The following SYT1 variants were observed in gnomAD, a reference collection of about 807,000 sequenced individuals.
SYT1 encodes synaptotagmin-1.
A neutral mutation model predicts 44.8 loss-of-function variants in SYT1; 8 were observed. The observed-to-expected ratio is 0.18, with a 90% CI of 0.10 to 0.32. The LOEUF (loss-of-function observed/expected upper bound fraction) is 0.32, where lower values mean the gene tolerates loss of function less well. Ranked by LOEUF, SYT1 falls within the 10% of genes least tolerant of loss-of-function variation. SYT1 has a pLI of 1.00. For synonymous variants in SYT1, 154 were observed against 188.8 expected (o/e 0.82, Z 1.51); for missense variants, 286 against 509.3 (o/e 0.56, Z 4.22).
At chr12:79,176,028 C>A (rs1871841716) in intron 3 of SYT1, among the ~76,000 whole-genome samples, 2 of 152,000 alleles carry the variant, frequency 1.3e-5, no homozygotes. Flanking sequence ...TGGAGGGTCA[C>A]ACCTGTAATC....
chr12:79,420,772 A>G (rs1298771324), intron 9 of SYT1, among the ~76,000 whole-genome samples: 1 of 152,164 alleles, frequency 6.6e-6, no homozygotes, highest in African/African-American at 2.4e-5. Flanking sequence ...AAATGGGAGA[A>G]ATACTGAGAA....
intron 3 of SYT1, among the ~76,000 whole-genome samples, chr12:79,097,599 C>T (rs1878212990): frequency 6.6e-6 from 1 of 151,818 alleles, no homozygotes; most frequent in Admixed American, 6.6e-5. Flanking sequence ...TTGAAAGTCC[C>T]TCTAGAAAAA....
At chr12:79,139,667 C>T (rs775208959) in intron 3 of SYT1, among the ~76,000 whole-genome samples, 17 of 152,126 alleles carry the variant, frequency 1.1e-4, no homozygotes, top group African/African-American at 3.4e-4. Context: ...TATTTAAATA[C>T]GCTTCTACTA....
At chr12:78,975,404 C>A (rs1195942110) in intron 1 of SYT1, among the ~76,000 whole-genome samples, 1 of 152,146 alleles carries the variant, frequency 6.6e-6, no homozygotes, top group African/African-American at 2.4e-5. Flanking sequence ...CCCTGCCTGG[C>A]ATAGACTAGG....
chr12:79,266,264 T>A (rs1837428024), intron 4 of SYT1, among the ~76,000 whole-genome samples: 2 of 152,122 alleles, frequency 1.3e-5, no homozygotes, highest in African/African-American at 4.8e-5. Flanking sequence ...ACAAAGCTAC[T>A]AGAAAACAAA....
chr12:78,876,222 C>G (rs1874061233), intron 1 of SYT1, among the ~76,000 whole-genome samples: 1 of 151,534 alleles, frequency 6.6e-6, no homozygotes, highest in Non-Finnish European at 1.5e-5. Flanking sequence ...TTTCCTCTAT[C>G]TAGTCTCATA....
In SYT1 at chr12:78,976,430, GT is replaced by G. The variant is rs531462878; in HGVS notation, c.-216-1365del. Among the ~76,000 whole-genome samples, 230 of 152,220 alleles carry G rather than the reference GT, an allele frequency of 1.5e-3. 1 individual carries two copies. Among genetic ancestry groups the G allele is most frequent in the African/African-American group, 5.3e-3 (220 of 41,546 alleles). On this transcript the variant is annotated intron_variant, in intron 1 of 10. Coordinates refer to ENST00000261205, the MANE Select transcript of SYT1 (RefSeq NM_005639.3). ...CTGTTCCTTTAAACTAAGGACTTAC[GT>G]TTTCCCAAACCCTGTAAATTCCCAT...
At chr12:79,359,476 G>T (rs1228490220) in intron 9 of SYT1, among the ~76,000 whole-genome samples, 1 of 152,148 alleles carries the variant, frequency 6.6e-6, no homozygotes, top group East Asian at 1.9e-4. Flanking sequence ...AACATTTGGG[G>T]CTGTAGGAGA....
intron 1 of SYT1, among the ~76,000 whole-genome samples, chr12:78,928,480 T>G (rs904638378): frequency 2.0e-5 from 3 of 152,160 alleles, no homozygotes; most frequent in African/African-American, 7.2e-5. Flanking sequence ...TTTTTTTTTC[T>G]TTCCTTAAGT....
At chr12:79,402,808 A>G (rs980579874) in intron 9 of SYT1, among the ~76,000 whole-genome samples, 18 of 152,208 alleles carry the variant, frequency 1.2e-4, no homozygotes, top group African/African-American at 4.3e-4. Context: ...AAAATCCTCC[A>G]AGGAAACTCC....
At chr12:79,006,570 C>T (rs1046821631) in intron 2 of SYT1, among the ~76,000 whole-genome samples, 3 of 152,208 alleles carry the variant, frequency 2.0e-5, no homozygotes, top group Non-Finnish European at 4.4e-5. Flanking sequence ...TTGGTGCCAT[C>T]TTCTGAGAGC....
chr12:79,068,655 C>A (rs903026464), intron 3 of SYT1, among the ~76,000 whole-genome samples: 6 of 152,076 alleles, frequency 3.9e-5, no homozygotes, highest in African/African-American at 1.4e-4. Flanking sequence ...ACTGATTTTC[C>A]TCCTACTCTA....
intron 1 of SYT1, among the ~76,000 whole-genome samples, chr12:78,953,437 G>A (rs1279228488): frequency 1.3e-5 from 2 of 152,000 alleles, no homozygotes; most frequent in East Asian, 3.9e-4. Flanking sequence ...ATAGAGTGTG[G>A]CACATTAGAA....
chr12:79,179,223 GAT>G (rs1394978060), intron 3 of SYT1, among the ~76,000 whole-genome samples: 927 of 16,988 alleles, frequency 0.055, 5 homozygotes, highest in Admixed American at 0.066. Context: ...TAGATATATA[GAT>G]ATAGATATAG....
chr12:79,299,747 G>C (rs1451585404), intron 8 of SYT1, among the ~76,000 whole-genome samples, 196 bp downstream of exon 8: 1 of 151,888 alleles, frequency 6.6e-6, no homozygotes, highest in African/African-American at 2.4e-5. Flanking sequence ...TCTGAAAGAA[G>C]AGAGACATTT....
intron 4 of SYT1, among the ~76,000 whole-genome samples, chr12:79,229,992 G>A (rs1212272919): frequency 1.3e-5 from 2 of 152,152 alleles, no homozygotes; most frequent in African/African-American, 4.8e-5. Flanking sequence ...GGAAACTCCT[G>A]GCATTTAGAG....
At chr12:79,080,869 A>T (rs1876985558) in intron 3 of SYT1, among the ~76,000 whole-genome samples, 1 of 152,200 alleles carries the variant, frequency 6.6e-6, no homozygotes, top group Non-Finnish European at 1.5e-5. Flanking sequence ...AAGATGACAG[A>T]TGGGACAAGG....
At chr12:79,263,851 C>T (rs1877969817) in intron 4 of SYT1, among the ~76,000 whole-genome samples, 1 of 143,918 alleles carries the variant, frequency 6.9e-6, no homozygotes, top group Admixed American at 7.0e-5. Context: ...GGCTCTTAAG[C>T]TTTTTTTTTT....
chr12:79,220,272 T>A (rs1472794507), intron 4 of SYT1, among the ~76,000 whole-genome samples: 1 of 152,010 alleles, frequency 6.6e-6, no homozygotes, highest in Non-Finnish European at 1.5e-5. Context: ...ATCTCCTTTT[T>A]TGTTTCTTAT....
Sources: allele counts gnomAD v4.1 joint callset (sites outside exome capture counted in the v4.1 genomes callset), GRCh38; gene constraint gnomAD v4.1.1; transcripts MANE v1.5; gene names NCBI Gene and HGNC (gene_info 2026-07-23, HGNC 2026-07-21).